DYM: variants seen among roughly 807,000 people sequenced by gnomAD.
The protein encoded by DYM is dyggve-Melchior-Clausen syndrome protein.
Under a neutral mutation model 93.1 loss-of-function variants are expected in DYM, and 78 were observed. That is an observed-to-expected ratio of 0.84 (90% CI 0.70 to 1.01). DYM has a LOEUF of 1.01. Among genes scored for constraint, DYM ranks in the 50% least tolerant of loss-of-function variants. DYM has a pLI of 0.00. For synonymous variants in DYM, 321 were observed against 319.7 expected, an observed-to-expected ratio of 1.00 and a Z score of -0.04; for missense variants, 789 against 845.0, an observed-to-expected ratio of 0.93 and a Z score of 0.82.
intron 3 of DYM, among the ~76,000 whole-genome samples, chr18:49,388,038 T>C (rs1268489766): frequency 6.6e-6 from 1 of 152,160 alleles, no homozygotes; most frequent in Non-Finnish European, 1.5e-5. Context: ...AAATGGGACA[T>C]ATCAAAAGGA....
At chr18:49,258,307 T>C (rs2145166517) in intron 12 of DYM, 73 bp downstream of exon 12, 1 of 1,048,128 alleles carries the variant, frequency 9.5e-7, no homozygotes, top group Non-Finnish European at 1.5e-6. Flanking sequence ...ATCCTAAAAA[T>C]TGGGATTGCT....
At chr18:49,312,103 G>A (rs1371341427) in intron 8 of DYM, among the ~76,000 whole-genome samples, 1 of 152,154 alleles carries the variant, frequency 6.6e-6, no homozygotes, top group South Asian at 2.1e-4. Context: ...TTATGTTGAT[G>A]CACTGTGTGT....
Position 49,218,763 on chromosome 18 carries a change from G to A in DYM, c.1461-9048C>T, listed in dbSNP as rs1012152328. 3.4e-4 allele frequency among the ~76,000 whole-genome samples: 52 copies of A among 152,308 alleles called. 1 individual carries two copies. The highest frequency in any genetic ancestry group is 1.2e-3 in the African/African-American group (51 of 41,564). On this transcript the variant is annotated intron_variant, in intron 13 of 17. Coordinates refer to ENST00000675505, the MANE Select transcript of DYM (RefSeq NM_001353214.3). ...TGGGACACATTCAAAGCAGTGTGTA[G>A]AGGGAAATTTATAGCACTAAATGCC...
intron 8 of DYM, among the ~76,000 whole-genome samples, chr18:49,314,232 C>G (rs757690321): frequency 6.6e-6 from 1 of 152,224 alleles, no homozygotes; most frequent in Non-Finnish European, 1.5e-5. Context: ...GCCTATTGAA[C>G]TTTCACACTA....
chr18:49,278,672 T>C (rs2094903250), intron 10 of DYM, among the ~76,000 whole-genome samples: 1 of 152,118 alleles, frequency 6.6e-6, no homozygotes, highest in African/African-American at 2.4e-5. Context: ...GCTTATGATA[T>C]GTTGAGAGCT....
intron 2 of DYM, among the ~76,000 whole-genome samples, chr18:49,407,839 C>T (rs1309882937): frequency 6.6e-6 from 1 of 152,144 alleles, no homozygotes; most frequent in Non-Finnish European, 1.5e-5. Context: ...TGTAGTTATA[C>T]AAGATGTTAC....
intron 5 of DYM, among the ~76,000 whole-genome samples, chr18:49,369,660 A>G (rs1037969266): frequency 3.9e-5 from 6 of 152,190 alleles, no homozygotes; most frequent in Non-Finnish European, 1.5e-5. Context: ...CCCTTTGCTG[A>G]TATTTTATTG....
intron 2 of DYM, chr18:49,413,097 T>C (rs1419910211): frequency 1.3e-5 from 2 of 152,226 alleles, no homozygotes; most frequent in African/African-American, 4.8e-5. Context: ...TACCATACGA[T>C]TTAATGCTGC....
At chr18:49,339,190 C>A (rs2063893098) in intron 6 of DYM, among the ~76,000 whole-genome samples, 1 of 152,202 alleles carries the variant, frequency 6.6e-6, no homozygotes, top group African/African-American at 2.4e-5. Context: ...TACTAACCAG[C>A]ATAGTCAGTT....
At chr18:49,138,690 T>C (rs2084113314) in intron 15 of DYM, among the ~76,000 whole-genome samples, 1 of 152,160 alleles carries the variant, frequency 6.6e-6, no homozygotes, top group African/African-American at 2.4e-5. Flanking sequence ...AACAGTGGCA[T>C]TATGAACAGG....
At chr18:49,395,248 C>T (rs578162952) in intron 2 of DYM, among the ~76,000 whole-genome samples, 1 of 152,068 alleles carries the variant, frequency 6.6e-6, no homozygotes, top group East Asian at 1.9e-4. Flanking sequence ...TGACAAGGGA[C>T]TCATCCAGGA....
intron 1 of DYM, among the ~76,000 whole-genome samples, chr18:49,443,821 G>A (rs75161269): frequency 0.092 from 13,964 of 152,228 alleles, 868 homozygotes; most frequent in East Asian, 0.31. Flanking sequence ...GAAAGTATTT[G>A]CCAATGGTGA....
chr18:49,116,710 G>A (rs2081957304), intron 16 of DYM, among the ~76,000 whole-genome samples: 1 of 152,104 alleles, frequency 6.6e-6, no homozygotes, highest in African/African-American at 2.4e-5. Context: ...TTAATAACTG[G>A]TACTTTTGCA....
chr18:49,124,999 C>T (rs1259935585), intron 15 of DYM, among the ~76,000 whole-genome samples: 2 of 152,214 alleles, frequency 1.3e-5, no homozygotes, highest in African/African-American at 4.8e-5. Flanking sequence ...GTGGCTCACG[C>T]CTGTAATCCC....
At chr18:49,091,611 C>T (rs113060501) in intron 17 of DYM, among the ~76,000 whole-genome samples, 79 of 152,242 alleles carry the variant, frequency 5.2e-4, no homozygotes, top group African/African-American at 1.6e-3. Flanking sequence ...ACTGCCCCAG[C>T]CCCATAGATT....
chr18:49,197,698 G>T (rs1313351542), intron 14 of DYM, among the ~76,000 whole-genome samples: 2 of 152,162 alleles, frequency 1.3e-5, no homozygotes, highest in East Asian at 3.8e-4. Context: ...TCTTCAAGGA[G>T]AACTACAAAC....
intron 15 of DYM, among the ~76,000 whole-genome samples, chr18:49,135,085 G>A (rs2083709677): frequency 6.6e-6 from 1 of 151,990 alleles, no homozygotes; most frequent in South Asian, 2.1e-4. Context: ...TCCAGCCTGG[G>A]CAACAAGAGC....
intron 8 of DYM, among the ~76,000 whole-genome samples, chr18:49,310,400 T>G (rs926985921): frequency 1.4e-4 from 21 of 152,200 alleles, no homozygotes; most frequent in Non-Finnish European, 2.6e-4. Flanking sequence ...AATCTTGGTA[T>G]AAAACATGAG....
intron 5 of DYM, among the ~76,000 whole-genome samples, chr18:49,368,110 T>G (rs28510580): frequency 0.036 from 5,506 of 152,294 alleles, 320 homozygotes; most frequent in African/African-American, 0.12. Context: ...ACTACAGTAT[T>G]TATAAGCTTG....
Sources: allele counts gnomAD v4.1 joint callset (sites outside exome capture counted in the v4.1 genomes callset), GRCh38; gene constraint gnomAD v4.1.1; transcripts MANE v1.5; gene names NCBI Gene and HGNC (gene_info 2026-07-23, HGNC 2026-07-21).